Variants in DMD observed in about 807,000 individuals in gnomAD.
DMD encodes mutant dystrophin.
DMD carries 63 observed loss-of-function variants against 330.1 expected under a neutral mutation model. That is an observed-to-expected ratio of 0.19 (90% CI 0.16 to 0.24). DMD has a LOEUF of 0.24. DMD is among the 10% of genes least tolerant of loss of function. The pLI is 1.00. For missense variants in DMD, 3,344 were observed against 2,684.1 expected (o/e 1.25, Z -5.43); for synonymous variants, 1,223 against 959.8 (o/e 1.27, Z -5.07).
chrX:32,578,759 T>C (rs1480647673), intron 13 of DMD, among the ~76,000 whole-genome samples: 2 of 110,768 alleles, frequency 1.8e-5, no homozygotes, highest in Non-Finnish European at 3.8e-5. Flanking sequence ...AGAGATAGAG[T>C]GTTCCCAGGC....
At chrX:33,103,724 T>C (rs2095261687) in intron 1 of DMD, among the ~76,000 whole-genome samples, 1 of 111,523 alleles carries the variant, frequency 9.0e-6, no homozygotes, top group Non-Finnish European at 1.9e-5. Flanking sequence ...GCGACTGAAA[T>C]GACCCATTAG....
At chrX:32,721,364 G>A (rs1191429927) in intron 7 of DMD, among the ~76,000 whole-genome samples, 1 of 109,570 alleles carries the variant, frequency 9.1e-6, no homozygotes, top group Non-Finnish European at 1.9e-5. Context: ...GCCTTTACTG[G>A]CACTTGTTAT....
intron 43 of DMD, among the ~76,000 whole-genome samples, chrX:32,244,271 C>G (rs1033257374): frequency 6.6e-5 from 7 of 105,660 alleles, no homozygotes; most frequent in Admixed American, 1.0e-4. Flanking sequence ...TCATCCATGT[C>G]CCTACAAAGG....
intron 53 of DMD, among the ~76,000 whole-genome samples, chrX:31,662,096 C>T (rs962934301): frequency 1.4e-4 from 16 of 111,770 alleles, no homozygotes; most frequent in African/African-American, 4.9e-4. Context: ...GGGTTTGAAT[C>T]CTGGCGTGAT....
At chrX:31,734,277 C>G (rs2086713997) in intron 51 of DMD, among the ~76,000 whole-genome samples, 1 of 109,394 alleles carries the variant, frequency 9.1e-6, no homozygotes, top group Non-Finnish European at 1.9e-5. Flanking sequence ...TGCCCCTTTA[C>G]CCTTAAATAC....
At chrX:32,103,445 A>G (rs1296853599) in intron 44 of DMD, among the ~76,000 whole-genome samples, 1 of 111,397 alleles carries the variant, frequency 9.0e-6, no homozygotes, top group Non-Finnish European at 1.9e-5. Flanking sequence ...AAGCGCATAA[A>G]TGGCCTCTCC....
At chrX:32,403,941 A>T (rs748370279) in intron 30 of DMD, among the ~76,000 whole-genome samples, 8 of 111,797 alleles carry the variant, frequency 7.2e-5, no homozygotes, top group Non-Finnish European at 1.5e-4. Flanking sequence ...GTAAAGTTAC[A>T]CTGTTCCAAG....
chrX:32,770,874 C>A (rs189337435), intron 7 of DMD, among the ~76,000 whole-genome samples: 4 of 112,089 alleles, frequency 3.6e-5, no homozygotes, highest in Admixed American at 9.5e-5. Flanking sequence ...AGAGAGGGAA[C>A]AAAAGGCATG....
At chrX:31,574,146 GT>G (rs749028855) in intron 55 of DMD, among the ~76,000 whole-genome samples, 849 of 75,915 alleles carry the variant, frequency 0.011, 9 homozygotes, top group East Asian at 0.1. Flanking sequence ...TTTTTTTTTT[GT>G]TTTTTTTTTT....
intron 2 of DMD, among the ~76,000 whole-genome samples, chrX:32,864,536 A>C (rs1335002083): frequency 8.9e-6 from 1 of 112,136 alleles, no homozygotes; most frequent in Non-Finnish European, 1.9e-5. Flanking sequence ...GCCTGCCAAT[A>C]AAATTGCTCC....
chrX:31,207,927 T>G (rs2044254690), intron 65 of DMD, among the ~76,000 whole-genome samples: 2 of 111,154 alleles, frequency 1.8e-5, no homozygotes, highest in African/African-American at 6.5e-5. Flanking sequence ...AGTGATGAAA[T>G]AATCTGTACA....
intron 62 of DMD, among the ~76,000 whole-genome samples, chrX:31,307,607 C>A (rs1006815887): frequency 1.8e-5 from 2 of 110,711 alleles, no homozygotes; most frequent in African/African-American, 6.6e-5. Flanking sequence ...CCAAAAAAAC[C>A]CCAAAAAACT....
chrX:32,333,574 C>CT lies in DMD; in HGVS notation c.5922+8525dup, dbSNP rs1174348923. Among the ~76,000 whole-genome samples, 31 of 110,827 alleles carry CT rather than the reference C, an allele frequency of 2.8e-4. No individual in the cohort carries two copies. In the East Asian group the frequency reaches 7.4e-3, roughly 27 times the overall value. On this transcript the variant is annotated intron_variant, in intron 41 of 78. Transcript: ENST00000357033. ...ATAGTGATGATCTATACTTATATTTCTTTTTTTTAATAATCTTTTCTGCTT... is the reference window on the plus strand; with the variant it reads ...ATAGTGATGATCTATACTTATATTTCTTTTTTTTTAATAATCTTTTCTGCTT...
At position 32,661,411 on chromosome X, in the gene DMD, G is replaced by T. The variant is rs147486036; in HGVS notation, c.961-16259C>A. On this transcript the variant is annotated intron_variant, in intron 9 of 78. Transcript: ENST00000357033. ...ACTATGAGGAGACCTGATTCATAAA[G>T]GTTAGAAACTTGCCCAAGGTCGAAG... Among the ~76,000 whole-genome samples, 668 of 110,935 alleles carry T rather than the reference G, an allele frequency of 6.0e-3. 4 individuals carry two copies. The highest frequency in any genetic ancestry group is 9.6e-3 in the Non-Finnish European group (506 of 52,813).
intron 43 of DMD, among the ~76,000 whole-genome samples, chrX:32,251,480 T>C (rs1407016056): frequency 9.0e-6 from 1 of 111,418 alleles, no homozygotes; most frequent in Non-Finnish European, 1.9e-5. Flanking sequence ...CCCTGACACT[T>C]CACTGTCTTT....
chrX:31,897,279 T>A (rs759206763), intron 47 of DMD, among the ~76,000 whole-genome samples: 29 of 111,848 alleles, frequency 2.6e-4, no homozygotes, highest in African/African-American at 7.4e-4. Flanking sequence ...TGCATAGTAT[T>A]GCATGGTGTA....
chrX:32,464,600 G>A lies in DMD; in HGVS notation c.3262C>T (p.Leu1088=), dbSNP rs1365560594. Reference sequence around the variant, plus strand: ...AAAAATCTTACTCTGCACTGTTTCAGCTGCTTTTTTAGAATTTCTGAATCC... The same window carrying A: ...AAAAATCTTACTCTGCACTGTTTCAACTGCTTTTTTAGAATTTCTGAATCC... ...LGDSEILKKQ[L]KQCRLLVSDI... The change falls in exon 24 of 79, where the codon CTG becomes TTG. Residue 1088 remains leucine (L), a synonymous_variant. Coordinates refer to ENST00000357033, the MANE Select transcript of DMD (RefSeq NM_004006.3). 8.3e-7 allele frequency: 1 copy of A among 1,200,195 alleles called. No homozygotes were observed. The highest frequency in any genetic ancestry group is 3.0e-5 in the East Asian group (1 of 33,711).
intron 44 of DMD, among the ~76,000 whole-genome samples, chrX:31,985,448 G>C (rs1016616577): frequency 8.9e-6 from 1 of 112,230 alleles, no homozygotes; most frequent in African/African-American, 3.2e-5. Flanking sequence ...TATTTATGTC[G>C]CTTCTACATA....
intron 1 of DMD, among the ~76,000 whole-genome samples, chrX:33,299,720 T>C (rs760383894): frequency 1.8e-5 from 2 of 112,339 alleles, no homozygotes; most frequent in South Asian, 3.7e-4. Flanking sequence ...TTTTACATTG[T>C]CCTTTTTTAC....
Sources: allele counts gnomAD v4.1 joint callset (sites outside exome capture counted in the v4.1 genomes callset), GRCh38; gene constraint gnomAD v4.1.1; transcripts MANE v1.5; gene names NCBI Gene and HGNC (gene_info 2026-07-23, HGNC 2026-07-21).